The following HSPA14 variants were observed in gnomAD, a reference collection of about 807,000 sequenced individuals.
HSPA14 encodes heat shock protein family A (Hsp70) member 14, also known as heat shock 70 kDa protein 14.
HSPA14 carries 37 observed loss-of-function variants against 65.5 expected under a neutral mutation model. That is an observed-to-expected ratio of 0.56 (90% CI 0.43 to 0.74). HSPA14 has a LOEUF of 0.74. HSPA14 is among the 30% of genes least tolerant of loss of function. The pLI, the probability that HSPA14 is intolerant of heterozygous loss-of-function variation, is 0.00. For missense variants in HSPA14, 564 were observed against 607.6 expected (o/e 0.93, Z 0.75); for synonymous variants, 203 against 214.2 (o/e 0.95, Z 0.46).
chr10:14,842,201 C>A lies in HSPA14; in HGVS notation c.221+2044C>A, dbSNP rs1019427809. ...CTGAGAGGGAAGATCCTGGAGATAT[C>A]CTGAGAGCACACAGAGCTTCCCCAC... is the stretch of plus-strand genomic sequence containing the variant. On this transcript the variant is annotated intron_variant, in intron 3 of 13. Coordinates refer to ENST00000378372, the MANE Select transcript of HSPA14 (RefSeq NM_016299.4). The surrounding 1 kb of genome is among the most constrained non-coding windows in gnomAD (Gnocchi z 5.2). 2.0e-6 allele frequency: 3 copies of A among 1,535,250 alleles called. No homozygotes were observed. The highest frequency in any genetic ancestry group is 2.0e-5 in the Admixed American group (1 of 50,986).
chr10:14,870,365 C>G (rs1832843970), intron 12 of HSPA14, among the ~76,000 whole-genome samples: 1 of 152,106 alleles, frequency 6.6e-6, no homozygotes, highest in Non-Finnish European at 1.5e-5. Flanking sequence ...TTAGAAGGGA[C>G]AAATGCATTA....
At chr10:14,865,857 C>T (rs1832802619) in intron 10 of HSPA14, among the ~76,000 whole-genome samples, 1 of 152,132 alleles carries the variant, frequency 6.6e-6, no homozygotes, top group Non-Finnish European at 1.5e-5. Context: ...TGAAGAAAGT[C>T]ATTGGTAGCT....
intron 10 of HSPA14, among the ~76,000 whole-genome samples, chr10:14,861,823 C>A (rs1832752106): frequency 6.6e-6 from 1 of 151,844 alleles, no homozygotes; most frequent in Non-Finnish European, 1.5e-5. Flanking sequence ...ACCATCATGG[C>A]CAACATGGTG....
chr10:14,857,696 G>A (rs1230301617), intron 10 of HSPA14, among the ~76,000 whole-genome samples: 1 of 152,038 alleles, frequency 6.6e-6, no homozygotes, highest in Non-Finnish European at 1.5e-5. Context: ...ATTTGGTTTT[G>A]GTCCTGCTAG....
chr10:14,850,987 GCT>G, intron 6 of HSPA14: 1 of 360,336 alleles, frequency 2.8e-6, no homozygotes, highest in East Asian at 5.3e-5. Flanking sequence ...TGTGCTTTTT[GCT>G]TTCTTTGTGA....
intron 3 of HSPA14, chr10:14,844,144 C>G (rs1564320063): frequency 7.6e-7 from 1 of 1,314,066 alleles, no homozygotes. Context: ...CTGGTTCATC[C>G]TAGCTTTGTC....
rs1832688300 is a variant in HSPA14 at position 14,855,898 on chromosome 10, A to C, written c.948A>C (p.Arg316Ser). 1 of 1,608,890 alleles carries C rather than the reference A, an allele frequency of 6.2e-7. No individual in the cohort carries two copies. Among genetic ancestry groups the C allele is most frequent in the Non-Finnish European group, 8.5e-7 (1 of 1,175,564 alleles). ...TTAATAAGTGTATAGAAGCAATCAG[A>C]GGACTCTTAGATCAAAATGGATTTA... ...PLFNKCIEAI[R>S]GLLDQNGFTA... Residue 316 changes from arginine (R) to serine (S), a missense_variant, in exon 10 of 14, where the codon AGA (arginine) becomes AGC (serine). Physicochemically the swap from Arg to Ser is moderately radical, Grantham distance 110. Coordinates refer to ENST00000378372, the MANE Select transcript of HSPA14 (RefSeq NM_016299.4).
intron 10 of HSPA14, among the ~76,000 whole-genome samples, chr10:14,856,280 G>T (rs368806621): frequency 1.3e-5 from 2 of 152,108 alleles, no homozygotes; most frequent in Non-Finnish European, 2.9e-5. Flanking sequence ...TAACTCTGAG[G>T]TAGGCACTAC....
chr10:14,849,707 T>G lies in HSPA14; in HGVS notation c.377-14T>G. On this transcript the variant is annotated splice_polypyrimidine_tract_variant and intron_variant, in intron 5 of 13. Transcript: ENST00000378372. ...TTCTTCTGTCATCAGAATTTTATAT[T>G]TTTTAATATGCAGAAACGGCACATT... 2 of 1,557,656 alleles carry G rather than the reference T, an allele frequency of 1.3e-6. No homozygotes were observed. The highest frequency in any genetic ancestry group is 1.8e-6 in the Non-Finnish European group (2 of 1,142,512).
chr10:14,849,907 G>A (rs1399460622), intron 6 of HSPA14, 96 bp downstream of exon 6: 4 of 694,576 alleles, frequency 5.8e-6, no homozygotes, highest in Non-Finnish European at 9.7e-6. Flanking sequence ...TACCTTAGGC[G>A]ATAAAATTGT....
chr10:14,862,926 C>T (rs1006766051), intron 10 of HSPA14, among the ~76,000 whole-genome samples: 3 of 152,126 alleles, frequency 2.0e-5, no homozygotes, highest in Admixed American at 6.5e-5. Context: ...TCAAGAGATC[C>T]GCCCACCTCA....
At chr10:14,843,630 G>T (rs946221377) in intron 3 of HSPA14, 2 of 1,550,430 alleles carry the variant, frequency 1.3e-6, no homozygotes, top group African/African-American at 1.4e-5. Flanking sequence ...GAAGAAGGCG[G>T]TCAGTGGCCA....
rs748254869 is a variant in HSPA14, at chr10:14,842,777, C to T, written c.221+2620C>T. 60 of 1,536,394 alleles carry T rather than the reference C, an allele frequency of 3.9e-5. No homozygotes were observed. The African/African-American group carries it at 7.8e-4, about 20-fold the overall frequency. On this transcript the variant is annotated intron_variant, in intron 3 of 13. Coordinates refer to ENST00000378372, the MANE Select transcript of HSPA14 (RefSeq NM_016299.4). This position sits in a 1 kb window ranked among gnomAD's most constrained non-coding sequence, Gnocchi z 5.2. Reference sequence around the variant, plus strand: ...TAAGGCATCAGATGAGGATTGTCAGCTAAGAATCAGTGACCGGATACGAGA... The same window carrying T: ...TAAGGCATCAGATGAGGATTGTCAGTTAAGAATCAGTGACCGGATACGAGA...
chr10:14,867,780 A>G lies in HSPA14; in HGVS notation c.1251A>G (p.Pro417=). ...CCAGTAGATTCACAGTGCTGTTTCC[A>G]TCAGGGACTCCTTTGCCAGCTCGAA... ...SGASRFTVLF[P]SGTPLPARRQ... The change falls in exon 12 of 14, where the codon CCA becomes CCG. Residue 417 remains proline (P), a synonymous_variant. Transcript: ENST00000378372. 8 of 1,614,198 alleles carry G rather than the reference A, an allele frequency of 5.0e-6. No homozygotes were observed. The highest frequency in any genetic ancestry group is 6.8e-6 in the Non-Finnish European group (8 of 1,180,032).
rs1834086466 is a variant in HSPA14 at position 14,848,900 on chromosome 10, T to TGGGCTCAGA, written c.376+5_376+6insGGGCTCAGA. ...TGATATTTAGTAAAATGAAAGGTAT[T>TGGGCTCAGA]TAGCAAAAGATATATAATAGTTACC... On this transcript the variant is annotated splice_donor_region_variant and intron_variant, in intron 5 of 13. Transcript: ENST00000378372. The TGGGCTCAGA allele has an allele frequency of 1.4e-6, 2 of 1,399,876 alleles. No individual in the cohort carries two copies. Among genetic ancestry groups the TGGGCTCAGA allele is most frequent in the African/African-American group, 2.9e-5 (2 of 69,468 alleles). The allele number at this position is 1,399,876 out of a possible 1,614,324, so 86.7% of individuals were successfully genotyped here. A position where few individuals can be genotyped will look rare whatever the true frequency, so the allele number is the denominator to read the frequency against.
In HSPA14 at chr10:14,838,402, C is replaced by G; in HGVS notation, c.-1C>G. 3 of 1,603,720 alleles carry G rather than the reference C, an allele frequency of 1.9e-6. No homozygotes were observed. Among genetic ancestry groups the G allele is most frequent in the Non-Finnish European group, 1.7e-6 (2 of 1,177,348 alleles). On this transcript the variant is annotated 5_prime_UTR_variant, in exon 1 of 14. Coordinates refer to ENST00000378372, the MANE Select transcript of HSPA14 (RefSeq NM_016299.4). The stretch of plus-strand genomic sequence containing the variant: ...CCTGCCGCTGCCGTCCCTGCTGCCT[C>G]ATGGCGGCCATCGGAGTTCACCTGG...
At chr10:14,853,072 G>T in intron 8 of HSPA14, among the ~76,000 whole-genome samples, 1 of 151,346 alleles carries the variant, frequency 6.6e-6, no homozygotes, top group Non-Finnish European at 1.5e-5. Flanking sequence ...TATACTTTGG[G>T]TACTGCTGCT....
intron 10 of HSPA14, among the ~76,000 whole-genome samples, chr10:14,861,937 G>A (rs1349579996): frequency 4.0e-5 from 6 of 151,388 alleles, no homozygotes; most frequent in Admixed American, 2.0e-4. Flanking sequence ...GCTTGAACCC[G>A]GGAGGTGGAG....
In HSPA14 at chr10:14,838,364, G is replaced by C. The variant is rs754051837; in HGVS notation, c.-39G>C. 33 of 1,572,844 alleles carry C rather than the reference G, an allele frequency of 2.1e-5. No homozygotes were observed. Among genetic ancestry groups the C allele is most frequent in the Non-Finnish European group, 2.8e-5 (33 of 1,161,562 alleles). On this transcript the variant is annotated 5_prime_UTR_variant, in exon 1 of 14. Transcript: ENST00000378372. ...GCGGCCGGTAGCTGTTGCTGTTGGGGGACCCCCTCATTCCTGCCGCTGCCG... is the reference window on the plus strand; with the variant it reads ...GCGGCCGGTAGCTGTTGCTGTTGGGCGACCCCCTCATTCCTGCCGCTGCCG...
Sources: gnomAD v4.1 joint callset for allele counts (sites outside exome capture counted in the v4.1 genomes callset) on GRCh38, gnomAD v4.1.1 for gene constraint, Gnocchi (gnomAD v3.1) non-coding constraint, MANE v1.5 for transcripts, NCBI Gene and HGNC (gene_info 2026-07-23, HGNC 2026-07-21) for gene names.